MAFK: variants seen among roughly 807,000 people sequenced by gnomAD.
MAFK encodes the protein MAF bZIP transcription factor K, also known as transcription factor MafK.
MAFK carries 1 observed loss-of-function variant against 9.2 expected under a neutral mutation model. The ratio of observed to expected loss-of-function variants is 0.11; its 90% CI spans 0.04 to 0.52. The LOEUF (loss-of-function observed/expected upper bound fraction) is 0.52, where lower values mean the gene tolerates loss of function less well. Among genes scored for constraint, MAFK ranks in the 20% least tolerant of loss-of-function variants. MAFK has a pLI of 0.94. For synonymous variants in MAFK, 110 were observed against 107.4 expected (o/e 1.02, Z -0.15); for missense variants, 207 against 236.0 (o/e 0.88, Z 0.81).
chr7:1,537,387 G>A (rs1405837976), intron 1 of MAFK: 6 of 985,362 alleles, frequency 6.1e-6, no homozygotes, highest in Admixed American at 1.2e-4. Flanking sequence ...TGTCGTGGCC[G>A]GCCTGTGCAC....
chr7:1,534,661 G>A lies in MAFK; in HGVS notation c.-45+3763G>A, dbSNP rs1783984847. 2 of 455,814 alleles carry A rather than the reference G, an allele frequency of 4.4e-6. No homozygotes were observed. The highest frequency in any genetic ancestry group is 1.5e-5 in the South Asian group (1 of 64,562). 28.2% of individuals were successfully genotyped at this position (455,814 alleles called of 1,614,324 possible). ...CCACTCCGTCTTGGTCAGACTGGCT[G>A]GGCAGCTGAGGGGGTGGGGCATGGA... On this transcript the variant is annotated intron_variant, in intron 1 of 2. Coordinates refer to ENST00000343242, the MANE Select transcript of MAFK (RefSeq NM_002360.4). This position sits in a 1 kb window ranked among gnomAD's most constrained non-coding sequence, Gnocchi z 4.3.
At chr7:1,538,564 T>A (rs1246719969) in intron 1 of MAFK, 2 of 456,026 alleles carry the variant, frequency 4.4e-6, no homozygotes, top group African/African-American at 2.1e-5. Flanking sequence ...AGAGGCCCCC[T>A]CTCGGGGATC....
In MAFK at chr7:1,540,603, C is replaced by T; in HGVS notation, c.*228C>T. 2 of 539,974 alleles carry T rather than the reference C, an allele frequency of 3.7e-6. 1 individual carries two copies. The highest frequency in any genetic ancestry group is 6.5e-6 in the Non-Finnish European group (2 of 307,340). 33.4% of individuals were successfully genotyped at this position (539,974 alleles called of 1,614,324 possible). A position where few individuals can be genotyped will look rare whatever the true frequency, so the allele number is the denominator to read the frequency against. ...CCACAGACACACTCACGCCCGCCAC[C>T]TGCTCCCCGCAGGATGTGTCTGTGT... On this transcript the variant is annotated 3_prime_UTR_variant, in exon 3 of 3. Transcript: ENST00000343242.
At chr7:1,539,284 G>A (rs181032349) in intron 2 of MAFK, 56 bp downstream of exon 2, 30,301 of 1,427,290 alleles carry the variant, frequency 0.021, 408 homozygotes, top group Non-Finnish European at 0.026. Flanking sequence ...AAAGGCCCCC[G>A]GCCCGACAGC....
intron 1 of MAFK, chr7:1,538,133 C>CG (rs1784081612): frequency 3.0e-6 from 1 of 334,260 alleles, no homozygotes; most frequent in African/African-American, 2.2e-5. Context: ...CCATGACAAC[C>CG]GTGGGGGCTG....
At position 1,539,217 on chromosome 7, in the gene MAFK, A is replaced by G. The variant is rs2128552247; in HGVS notation, c.25A>G (p.Lys9Glu). MTTNPKPN[K>E]ALKVKKEAGE... ...TATGACGACTAATCCCAAACCGAAT[A>G]AGGCATTAAAGGTAAGGCTGGTTCC... is the stretch of plus-strand genomic sequence containing the variant. Residue 9 changes from lysine to glutamate, a missense_variant, in exon 2 of 3, where the codon AAG (lysine) becomes GAG (glutamate). By Grantham distance (56) the Lys-to-Glu change is moderately conservative (BLOSUM62 1). Coordinates refer to ENST00000343242, the MANE Select transcript of MAFK (RefSeq NM_002360.4). 6.2e-7 allele frequency: 1 copy of G among 1,611,434 alleles called. No homozygotes were observed. The highest frequency in any genetic ancestry group is 8.5e-7 in the Non-Finnish European group (1 of 1,178,938).
rs1432688922 is a variant in MAFK, at chr7:1,532,691, C to T, written c.-45+1793C>T. Among the ~76,000 whole-genome samples the T allele has an allele frequency of 3.3e-5, 5 of 152,198 alleles. No individual in the cohort carries two copies. The highest frequency in any genetic ancestry group is 2.9e-5 in the Non-Finnish European group (2 of 68,044). Reference sequence around the variant, plus strand: ...CCGGGCCACTTCGCTGTCTACAAGGCGTGTGCTTTCACCCACGGGGCTCAG... The same window carrying T: ...CCGGGCCACTTCGCTGTCTACAAGGTGTGTGCTTTCACCCACGGGGCTCAG... On this transcript the variant is annotated intron_variant, in intron 1 of 2. Coordinates refer to ENST00000343242, the MANE Select transcript of MAFK (RefSeq NM_002360.4). The surrounding 1 kb of genome is among the most constrained non-coding windows in gnomAD (Gnocchi z 4.5).
rs751510819 is a variant in MAFK at position 1,540,273 on chromosome 7, G to A, written c.369G>A (p.Arg123=). The A allele has an allele frequency of 6.2e-7, 1 of 1,611,452 alleles. No individual in the cohort carries two copies. Among genetic ancestry groups the A allele is most frequent in the Non-Finnish European group, 8.5e-7 (1 of 1,179,276 alleles). Residue 123 remains arginine, a synonymous_variant, in exon 3 of 3, where the codon CGG becomes CGA. Coordinates refer to ENST00000343242, the MANE Select transcript of MAFK (RefSeq NM_002360.4). ...AGACCTTCGCGCGCACCGTGGCCCG[G>A]GGACCTGTGGCGCCCTCCAAGGTGG... The part of the protein sequence containing the change: ...ALQTFARTVA[R]GPVAPSKVAT...
intron 1 of MAFK, among the ~76,000 whole-genome samples, chr7:1,531,396 C>T (rs1783901480): frequency 6.6e-6 from 1 of 152,274 alleles, no homozygotes; most frequent in South Asian, 2.1e-4. Flanking sequence ...CGGTGACGGG[C>T]GGCGCTCTGG....
chr7:1,535,640 A>T (rs910867705), intron 1 of MAFK, among the ~76,000 whole-genome samples: 4 of 152,208 alleles, frequency 2.6e-5, no homozygotes, highest in Non-Finnish European at 4.4e-5. Context: ...ACAGAGTGAC[A>T]CCTTGTCTCT....
At chr7:1,533,595 G>T (rs1026966554) in intron 1 of MAFK, among the ~76,000 whole-genome samples, 3 of 152,168 alleles carry the variant, frequency 2.0e-5, no homozygotes, top group African/African-American at 7.2e-5. Flanking sequence ...GGGCTGTGTG[G>T]GGGGCACCAG....
chr7:1,536,210 C>G (rs1784025002), intron 1 of MAFK, among the ~76,000 whole-genome samples: 1 of 152,202 alleles, frequency 6.6e-6, no homozygotes. Context: ...CCCGCCCACC[C>G]AGGCCCCCGC....
At position 1,542,448 on chromosome 7, in the gene MAFK, G is replaced by A. The variant is rs762124325; in HGVS notation, c.*2073G>A. ...TGGGCCCCGCAGGACAGGCCGCAGC[G>A]GGTGGCCGGTTCTGTCCCGTCTTGG... On this transcript the variant is annotated 3_prime_UTR_variant, in exon 3 of 3. Transcript: ENST00000343242. 3.3e-5 allele frequency: 5 copies of A among 152,388 alleles called. No individual in the cohort carries two copies. Among genetic ancestry groups the A allele is most frequent in the East Asian group, 3.9e-4 (2 of 5,174 alleles). 9.4% of individuals were successfully genotyped at this position (152,388 alleles called of 1,614,324 possible).
At chr7:1,537,134 G>A (rs1043900564) in intron 1 of MAFK, among the ~76,000 whole-genome samples, 12 of 152,376 alleles carry the variant, frequency 7.9e-5, no homozygotes, top group African/African-American at 2.9e-4. Flanking sequence ...CATCGCGGAG[G>A]CATCTTTTTA....
At chr7:1,531,794 C>T (rs576909576) in intron 1 of MAFK, among the ~76,000 whole-genome samples, 119 of 152,314 alleles carry the variant, frequency 7.8e-4, no homozygotes, top group Admixed American at 1.4e-3. Context: ...GACCTGGGTC[C>T]GCCTGGGACA....
At position 1,539,178 on chromosome 7, in the gene MAFK, G is replaced by A; in HGVS notation, c.-15G>A. On this transcript the variant is annotated 5_prime_UTR_variant, in exon 2 of 3. Transcript: ENST00000343242. ...GAGTTCCAGGGAGCTCTGTCCTGGT[G>A]ACCGTGCCCGGGTTATGACGACTAA... 1 of 1,613,154 alleles carries A rather than the reference G, an allele frequency of 6.2e-7. No individual in the cohort carries two copies. The highest frequency in any genetic ancestry group is 2.2e-5 in the East Asian group (1 of 44,848).
rs779508219 is a variant in MAFK at position 1,534,764 on chromosome 7, G to A, written c.-45+3866G>A. On this transcript the variant is annotated intron_variant, in intron 1 of 2. Coordinates refer to ENST00000343242, the MANE Select transcript of MAFK (RefSeq NM_002360.4). The surrounding 1 kb of genome is among the most constrained non-coding windows in gnomAD (Gnocchi z 4.3). ...CCCATGCTGGCCTCGTAGAGCGAGC[G>A]GCAGCCCCGATGCGTCCTCTCATCT... 5.4e-5 allele frequency: 22 copies of A among 404,256 alleles called. No individual in the cohort carries two copies. Among genetic ancestry groups the A allele is most frequent in the Admixed American group, 1.6e-4 (6 of 37,228 alleles). The allele number at this position is 404,256 out of a possible 1,614,324, so 25.0% of individuals were successfully genotyped here.
rs576496344 is a variant in MAFK, at chr7:1,534,360, G to A, written c.-45+3462G>A. Reference sequence around the variant, plus strand: ...CCACAGCGGCCCCACCTACCCTTGCGGCCCAGTGTGGAGGGCACCCGGCTT... The same window carrying A: ...CCACAGCGGCCCCACCTACCCTTGCAGCCCAGTGTGGAGGGCACCCGGCTT... On this transcript the variant is annotated intron_variant, in intron 1 of 2. Coordinates refer to ENST00000343242, the MANE Select transcript of MAFK (RefSeq NM_002360.4). The surrounding 1 kb of genome is among the most constrained non-coding windows in gnomAD (Gnocchi z 4.3). 3.1e-5 allele frequency: 14 copies of A among 450,778 alleles called. No individual in the cohort carries two copies. Among genetic ancestry groups the A allele is most frequent in the African/African-American group, 1.4e-4 (7 of 50,098 alleles). The allele number at this position is 450,778 out of a possible 1,614,324, so 27.9% of individuals were successfully genotyped here.
intron 1 of MAFK, among the ~76,000 whole-genome samples, chr7:1,536,527 A>G (rs895474022): frequency 2.0e-5 from 3 of 152,160 alleles, no homozygotes; most frequent in Non-Finnish European, 2.9e-5. Flanking sequence ...CGCTTTCTAC[A>G]TGTGCTCTGG....
Sources: allele counts gnomAD v4.1 joint callset (sites outside exome capture counted in the v4.1 genomes callset), GRCh38; gene constraint gnomAD v4.1.1; non-coding constraint Gnocchi (gnomAD v3.1); transcripts MANE v1.5; gene names NCBI Gene and HGNC (gene_info 2026-07-23, HGNC 2026-07-21).